Variants in SMAD9 observed in about 807,000 individuals in gnomAD.
SMAD9 encodes the protein SMAD family member 9, also known as MAD homolog 9.
Under a neutral mutation model 46.1 loss-of-function variants are expected in SMAD9, and 36 were observed. That is an observed-to-expected ratio of 0.78 (90% CI 0.60 to 1.03). The LOEUF (loss-of-function observed/expected upper bound fraction) is 1.03. Among genes scored for constraint, SMAD9 ranks in the 50% least tolerant of loss-of-function variants. The probability of loss-of-function intolerance (pLI) is 0.00; values close to 1 mark genes in which losing one functional copy is unlikely to be tolerated. For missense variants in SMAD9, 572 were observed against 599.8 expected (o/e 0.95, Z 0.48); for synonymous variants, 245 against 237.1 (o/e 1.03, Z -0.31).
In SMAD9 at chr13:36,879,531, G is replaced by C. The variant is rs760563456; in HGVS notation, c.159C>G (p.Asp53Glu). Residue 53 changes from aspartate to glutamate, a missense_variant, in exon 2 of 7, where the codon GAC becomes GAG. Coordinates refer to ENST00000379826, the MANE Select transcript of SMAD9 (RefSeq NM_001127217.3). ...KKLKKKKGAM[D>E]ELERALSCPG... Reference sequence around the variant, plus strand: ...GGCAGCTGAGAGCCCTCTCCAGCTCGTCCATGGCTCCCTTCTTCTTCTTTA... The same window carrying C: ...GGCAGCTGAGAGCCCTCTCCAGCTCCTCCATGGCTCCCTTCTTCTTCTTTA... 1 of 1,614,066 alleles carries C rather than the reference G, an allele frequency of 6.2e-7. No individual in the cohort carries two copies. The highest frequency in any genetic ancestry group is 1.3e-5 in the African/African-American group (1 of 74,940).
intron 6 of SMAD9, chr13:36,851,490 G>C (rs1365096322): frequency 6.6e-6 from 1 of 152,298 alleles, no homozygotes; most frequent in Non-Finnish European, 1.5e-5. Context: ...TCCTTCTTCT[G>C]TGTTTTGGCT....
At chr13:36,896,473 C>T (rs946818174) in intron 1 of SMAD9, among the ~76,000 whole-genome samples, 8 of 152,038 alleles carry the variant, frequency 5.3e-5, no homozygotes, top group African/African-American at 1.9e-4. Flanking sequence ...ACAACTCTTC[C>T]TCTCCATCTT....
intron 1 of SMAD9, among the ~76,000 whole-genome samples, chr13:36,903,022 T>C (rs919603566): frequency 6.6e-6 from 1 of 151,840 alleles, no homozygotes; most frequent in South Asian, 2.1e-4. Flanking sequence ...GAAAATACCA[T>C]GGCTAAGTAA....
intron 1 of SMAD9, among the ~76,000 whole-genome samples, chr13:36,880,166 G>A (rs1455121650): frequency 2.0e-5 from 3 of 152,172 alleles, no homozygotes; most frequent in Non-Finnish European, 2.9e-5. Flanking sequence ...AGGTCATTCT[G>A]CCCTCAAAGT....
chr13:36,916,309 C>T (rs2058698330), intron 1 of SMAD9, among the ~76,000 whole-genome samples: 2 of 152,144 alleles, frequency 1.3e-5, no homozygotes, highest in African/African-American at 4.8e-5. Context: ...AAATGGCTTC[C>T]ATTGTGTATT....
intron 5 of SMAD9, among the ~76,000 whole-genome samples, chr13:36,860,451 C>CT (rs1195704304): frequency 0.11 from 15,097 of 135,576 alleles, 1,202 homozygotes; most frequent in East Asian, 0.29. Context: ...ATTTTTTTAC[C>CT]TTTTTTTTTT....
At chr13:36,879,240 C>T in intron 2 of SMAD9, 38 bp downstream of exon 2, 4 of 1,591,536 alleles carry the variant, frequency 2.5e-6, no homozygotes, top group Non-Finnish European at 3.4e-6. Context: ...ACGACCTTCA[C>T]TCTGAAAATA....
At chr13:36,905,930 C>T (rs539001408) in intron 1 of SMAD9, among the ~76,000 whole-genome samples, 54 of 152,086 alleles carry the variant, frequency 3.6e-4, no homozygotes, top group Non-Finnish European at 5.9e-4. Flanking sequence ...TTCAGCCTCC[C>T]AAAGTGCTAG....
chr13:36,864,889 T>C (rs1354957297), intron 5 of SMAD9, among the ~76,000 whole-genome samples: 2 of 152,176 alleles, frequency 1.3e-5, no homozygotes, highest in South Asian at 2.1e-4. Flanking sequence ...CAATCGAAGA[T>C]ACCAACTATT....
intron 5 of SMAD9, among the ~76,000 whole-genome samples, chr13:36,860,507 T>C (rs1288457975): frequency 1.3e-5 from 2 of 150,326 alleles, no homozygotes; most frequent in Admixed American, 6.6e-5. Context: ...TGGAGTGCAG[T>C]GGCACCAACT....
intron 1 of SMAD9, among the ~76,000 whole-genome samples, chr13:36,898,783 C>T (rs2058550206): frequency 6.6e-6 from 1 of 152,112 alleles, no homozygotes; most frequent in Admixed American, 6.5e-5. Context: ...ACAATCTGTA[C>T]AGGGTAACTA....
At chr13:36,849,220 G>C (rs2058055689) in intron 6 of SMAD9, 1 of 178,642 alleles carries the variant, frequency 5.6e-6, no homozygotes, top group Admixed American at 5.6e-5. Context: ...AAGTGGTAAA[G>C]ACAGAACTGG....
intron 1 of SMAD9, among the ~76,000 whole-genome samples, chr13:36,884,833 T>C (rs2138532883): frequency 6.6e-6 from 1 of 152,314 alleles, no homozygotes; most frequent in African/African-American, 2.4e-5. Flanking sequence ...ACATGGAACC[T>C]TTGAGCAATC....
At chr13:36,888,310 C>G (rs1033517712) in intron 1 of SMAD9, among the ~76,000 whole-genome samples, 1 of 152,088 alleles carries the variant, frequency 6.6e-6, no homozygotes, top group Non-Finnish European at 1.5e-5. Flanking sequence ...GTAAGTGTCT[C>G]GCACTTCCCC....
chr13:36,862,458 A>C (rs1293683871), intron 5 of SMAD9, among the ~76,000 whole-genome samples: 1 of 145,238 alleles, frequency 6.9e-6, no homozygotes, highest in Non-Finnish European at 1.5e-5. Flanking sequence ...CACTAGCACC[A>C]TGACAGTTTA....
intron 1 of SMAD9, among the ~76,000 whole-genome samples, chr13:36,882,953 C>A (rs2058416298): frequency 6.6e-6 from 1 of 152,138 alleles, no homozygotes; most frequent in Admixed American, 6.5e-5. Context: ...GGCAGAGACC[C>A]CATTTCCTTG....
intron 3 of SMAD9, among the ~76,000 whole-genome samples, chr13:36,868,386 A>G (rs886369328): frequency 3.3e-5 from 5 of 152,196 alleles, no homozygotes; most frequent in Non-Finnish European, 7.3e-5. Flanking sequence ...CTTTGGTGAA[A>G]AAGTTATAAG....
chr13:36,901,903 T>C (rs777703181), intron 1 of SMAD9, among the ~76,000 whole-genome samples: 8 of 152,244 alleles, frequency 5.3e-5, no homozygotes, highest in Admixed American at 4.6e-4. Flanking sequence ...TGTGGATATA[T>C]AGACCCTGAG....
intron 6 of SMAD9, chr13:36,850,168 T>C (rs1208527452): frequency 6.6e-6 from 1 of 152,152 alleles, no homozygotes; most frequent in African/African-American, 2.4e-5. Context: ...CTCTCAGCCT[T>C]TGTGTTATGT....
Sources: allele counts gnomAD v4.1 joint callset (sites outside exome capture counted in the v4.1 genomes callset), GRCh38; gene constraint gnomAD v4.1.1; transcripts MANE v1.5; gene names NCBI Gene and HGNC (gene_info 2026-07-23, HGNC 2026-07-21).